Variants in TRMT6 observed in about 807,000 individuals in gnomAD.
TRMT6 encodes tRNA methyltransferase 6 non-catalytic subunit, also known as tRNA (adenine(58)-N(1))-methyltransferase non-catalytic subunit TRM6.
A neutral mutation model predicts 59.0 loss-of-function variants in TRMT6; 34 were observed. That is an observed-to-expected ratio of 0.58 (90% CI 0.44 to 0.77). The LOEUF (loss-of-function observed/expected upper bound fraction) is 0.77, where lower values mean the gene tolerates loss of function less well. Ranked by LOEUF, TRMT6 falls within the 30% of genes least tolerant of loss-of-function variation. TRMT6 has a pLI of 0.00. For missense variants in TRMT6, 575 were observed against 604.5 expected, an observed-to-expected ratio of 0.95 and a Z score of 0.51; for synonymous variants, 217 against 210.5, an observed-to-expected ratio of 1.03 and a Z score of -0.27.
chr20:5,946,998 G>C (rs236183), intron 1 of TRMT6, among the ~76,000 whole-genome samples: 36,837 of 152,052 alleles, frequency 0.24, 6,913 homozygotes, highest in African/African-American at 0.52. Flanking sequence ...GGAACACAAT[G>C]CTTTCTTCTC....
chr20:5,944,842 T>C lies in TRMT6; in HGVS notation c.329A>G (p.Asp110Gly), dbSNP rs2088691266. 6.2e-7 allele frequency: 1 copy of C among 1,613,940 alleles called. No homozygotes were observed. The highest frequency in any genetic ancestry group is 1.3e-5 in the African/African-American group (1 of 74,940). The part of the protein sequence containing the change: ...DGKSQKLTQD[D>G]IKALKDKGIK... ...GCCCTTGTCCTTCAAAGCTTTTATG[T>C]CATCTTGAGTAAGTTTCTGAGATTT... Residue 110 changes from aspartate (D) to glycine (G), a missense_variant, in exon 3 of 11, where the codon GAC becomes GGC. Physicochemically the swap from Asp to Gly is moderately conservative, Grantham distance 94. Coordinates refer to ENST00000203001, the MANE Select transcript of TRMT6 (RefSeq NM_015939.5).
intron 7 of TRMT6, 24 bp downstream of exon 7, chr20:5,942,404 G>T: frequency 7.6e-6 from 12 of 1,587,584 alleles, no homozygotes; most frequent in Non-Finnish European, 1.0e-5. Flanking sequence ...TTATGGGGGT[G>T]GTGGGGACTC....
intron 10 of TRMT6, 140 bp downstream of exon 10, chr20:5,940,912 TG>T (rs1393550044): frequency 1.4e-6 from 1 of 694,062 alleles, no homozygotes; most frequent in Non-Finnish European, 2.6e-6. Flanking sequence ...CTGCCTGCCT[TG>T]GCCTCCCAAA....
Position 5,943,636 on chromosome 20 carries a change from A to T in TRMT6, c.590T>A (p.Ile197Asn). Reference protein sequence around the residue: ...TLAQMLTLGNIRAGNKMIVME... With the variant: ...TLAQMLTLGNNRAGNKMIVME... ...CACAATCATTTTGTTGCCAGCACGG[A>T]TATTTCCCAACGTCAACATCTGGGC... The change falls in exon 6 of 11, where the codon ATC (isoleucine) becomes AAC (asparagine). Residue 197 changes from isoleucine to asparagine, a missense_variant. By Grantham distance (149) the Ile-to-Asn change is moderately radical. Transcript: ENST00000203001. 1 of 1,614,212 alleles carries T rather than the reference A, an allele frequency of 6.2e-7. No individual in the cohort carries two copies. The highest frequency in any genetic ancestry group is 8.5e-7 in the Non-Finnish European group (1 of 1,180,032).
chr20:5,945,829 T>G (rs2088701084), intron 2 of TRMT6, among the ~76,000 whole-genome samples: 1 of 152,162 alleles, frequency 6.6e-6, no homozygotes, highest in African/African-American at 2.4e-5. Context: ...TGTTAAGAAA[T>G]AATAATAGTA....
chr20:5,939,436 G>A (rs1364152324), intron 10 of TRMT6, among the ~76,000 whole-genome samples: 6 of 148,456 alleles, frequency 4.0e-5, no homozygotes, highest in African/African-American at 7.6e-5. Flanking sequence ...AGCCAAGATC[G>A]CGCCACTGCA....
intron 10 of TRMT6, among the ~76,000 whole-genome samples, chr20:5,940,821 C>A (rs180480): frequency 0.22 from 33,312 of 148,496 alleles, 5,335 homozygotes; most frequent in African/African-American, 0.48. Flanking sequence ...TCATGCCCAG[C>A]CAATTTATGT....
intron 1 of TRMT6, among the ~76,000 whole-genome samples, chr20:5,947,714 C>G (rs1360225922): frequency 6.6e-6 from 1 of 152,016 alleles, no homozygotes; most frequent in African/African-American, 2.4e-5. Context: ...CAGCTCAGCC[C>G]AGATGTGCAC....
At chr20:5,938,855 C>CT (rs1267349878) in intron 10 of TRMT6, 129 bp from the exon 11 acceptor site, 1 of 804,108 alleles carries the variant, frequency 1.2e-6, no homozygotes. Flanking sequence ...ATTTTTTTTT[C>CT]TTTCTTTTCT....
In TRMT6 at chr20:5,942,538, T is replaced by C. The variant is rs894661762; in HGVS notation, c.916A>G (p.Met306Val). 6 of 1,614,080 alleles carry C rather than the reference T, an allele frequency of 3.7e-6. No individual in the cohort carries two copies. Among genetic ancestry groups the C allele is most frequent in the Non-Finnish European group, 5.1e-6 (6 of 1,180,042 alleles). Residue 306 changes from methionine to valine, a missense_variant, in exon 7 of 11, where the codon ATG becomes GTG. Physicochemically the swap from Met to Val is conservative, Grantham distance 21. Transcript: ENST00000203001. Reference protein sequence around the residue: ...QASEQENEDSMAEAPESNHPE... With the variant: ...QASEQENEDSVAEAPESNHPE... ...TGGTTGCTCTCTGGGGCCTCTGCCA[T>C]GCTGTCTTCATTCTCTTGTTCAGAA...
intron 8 of TRMT6, chr20:5,941,596 T>C: frequency 3.6e-6 from 2 of 551,556 alleles, no homozygotes; most frequent in Non-Finnish European, 6.4e-6. Context: ...TCTTGATTTT[T>C]TAAAAAAAAT....
At position 5,941,034 on chromosome 20, in the gene TRMT6, T is replaced by C. The variant is rs368136380; in HGVS notation, c.1302+19A>G. ...GTCTCGGGAGGGCAGCTCTTGGGAC[T>C]GGCTGTAAGAACACGTACCTGATAA... On this transcript the variant is annotated intron_variant, in intron 10 of 10. Transcript: ENST00000203001. 3 of 1,601,562 alleles carry C rather than the reference T, an allele frequency of 1.9e-6. No individual in the cohort carries two copies. The highest frequency in any genetic ancestry group is 8.6e-7 in the Non-Finnish European group (1 of 1,168,728).
intron 7 of TRMT6, 65 bp downstream of exon 7, chr20:5,942,363 G>T (rs1261523444): frequency 1.4e-6 from 2 of 1,397,510 alleles, no homozygotes; most frequent in South Asian, 1.2e-5. Context: ...TAAATCTCAT[G>T]ACTTAACTGA....
rs1325638746 is a variant in TRMT6 at position 5,943,596 on chromosome 20, T to G, written c.630A>C (p.Ala210=). 4.3e-6 allele frequency: 7 copies of G among 1,614,244 alleles called. No homozygotes were observed. Among genetic ancestry groups the G allele is most frequent in the East Asian group, 2.2e-5 (1 of 44,892 alleles). The change falls in exon 6 of 11, where the codon GCA becomes GCC. Residue 210 remains alanine (A), a synonymous_variant. Transcript: ENST00000203001. ...CCATCATTGCACCCAGCACCAAGCC[T>G]GCACACGTTTCCATCACAATCATTT... ...GNKMIVMETC[A]GLVLGAMMER...
In TRMT6 at chr20:5,942,033, G is replaced by A; in HGVS notation, c.1030C>T (p.Gln344Ter). 4 of 1,611,740 alleles carry A rather than the reference G, an allele frequency of 2.5e-6. No individual in the cohort carries two copies. Among genetic ancestry groups the A allele is most frequent in the Non-Finnish European group, 3.4e-6 (4 of 1,179,712 alleles). Residue 344 changes from glutamine (Q) to a stop codon, truncating the protein, a stop_gained, in exon 8 of 11, where the codon CAG becomes TAG. Coordinates refer to ENST00000203001, the MANE Select transcript of TRMT6 (RefSeq NM_015939.5). LOFTEE classifies it high-confidence loss of function. ...TCTTCTTGTCTCCTCTGTTTTTCCT[G>A]AATCTTCAAAAAGAAAAATAAGAAA... ...KERGSKKDYIQEKQRRQEEQR... is the reference protein window; with the variant it reads ...KERGSKKDYI
In TRMT6 at chr20:5,943,967, T is replaced by C. The variant is rs985180136; in HGVS notation, c.523A>G (p.Arg175Gly). The C allele has an allele frequency of 3.1e-6, 5 of 1,610,222 alleles. No homozygotes were observed. In the African/African-American group the frequency reaches 6.7e-5, roughly 22 times the overall value. ...TRILSIMYYA[R>G]EPGKINHMRY... The stretch of plus-strand genomic sequence containing the variant: ...GCGTACTTAATTTTTCCAGGTTCTC[T>C]TGCATAATACATAATTGAAAGAATA... The change falls in exon 5 of 11, where the codon AGA becomes GGA. Residue 175 changes from arginine to glycine, a missense_variant. By Grantham distance (125) the Arg-to-Gly change is moderately radical. Transcript: ENST00000203001.
At chr20:5,947,077 T>G (rs1027315148) in intron 1 of TRMT6, among the ~76,000 whole-genome samples, 4 of 152,218 alleles carry the variant, frequency 2.6e-5, no homozygotes, top group Non-Finnish European at 5.9e-5. Context: ...TGATTCACAC[T>G]TTTTGATTTA....
Position 5,944,043 on chromosome 20 carries a change from A to G in TRMT6, c.459-12T>C. 1 of 1,555,048 alleles carries G rather than the reference A, an allele frequency of 6.4e-7. No individual in the cohort carries two copies. Among genetic ancestry groups the G allele is most frequent in the Non-Finnish European group, 8.7e-7 (1 of 1,153,130 alleles). Reference sequence around the variant, plus strand: ...TGATGGCTTCATATCTGGGGGAAGAAAAAACAGAACGCTGATTTAAAAAAA... The same window carrying G: ...TGATGGCTTCATATCTGGGGGAAGAGAAAACAGAACGCTGATTTAAAAAAA... On this transcript the variant is annotated splice_polypyrimidine_tract_variant and intron_variant, in intron 4 of 10. Coordinates refer to ENST00000203001, the MANE Select transcript of TRMT6 (RefSeq NM_015939.5).
intron 10 of TRMT6, 67 bp downstream of exon 10, chr20:5,940,986 A>G: frequency 1.7e-6 from 2 of 1,192,860 alleles, no homozygotes; most frequent in Middle Eastern, 2.5e-4. Flanking sequence ...AATGACTTCT[A>G]GTACTACTGC....
Sources: allele counts gnomAD v4.1 joint callset (sites outside exome capture counted in the v4.1 genomes callset), GRCh38; gene constraint gnomAD v4.1.1; transcripts MANE v1.5; gene names NCBI Gene and HGNC (gene_info 2026-07-23, HGNC 2026-07-21).